SGCE: variants seen among roughly 807,000 people sequenced by gnomAD.
SGCE encodes sarcoglycan epsilon, also known as epsilon-sarcoglycan.
SGCE carries 26 observed loss-of-function variants against 57.8 expected under a neutral mutation model. That is an observed-to-expected ratio of 0.45 (90% CI 0.33 to 0.62). The LOEUF is 0.62. Among genes scored for constraint, SGCE ranks in the 20% least tolerant of loss-of-function variants. The pLI is 0.02. For synonymous variants in SGCE, 183 were observed against 189.5 expected (o/e 0.97, Z 0.28); for missense variants, 468 against 548.6 (o/e 0.85, Z 1.47).
At chr7:94,616,263 G>A (rs1192900417) in intron 5 of SGCE, among the ~76,000 whole-genome samples, 2 of 152,082 alleles carry the variant, frequency 1.3e-5, no homozygotes, top group African/African-American at 4.8e-5. Context: ...CTGTTTAACT[G>A]ACTATACATA....
chr7:94,608,160 A>G (rs986668582), intron 5 of SGCE, among the ~76,000 whole-genome samples: 1 of 152,094 alleles, frequency 6.6e-6, no homozygotes, highest in South Asian at 2.1e-4. Flanking sequence ...CCTGGCCAAC[A>G]TGACAAAACC....
intron 1 of SGCE, among the ~76,000 whole-genome samples, chr7:94,634,750 G>A (rs1200834159): frequency 1.3e-5 from 2 of 152,136 alleles, no homozygotes; most frequent in East Asian, 1.9e-4. Flanking sequence ...CTTAGTTGAC[G>A]CAGTACACTT....
intron 9 of SGCE, among the ~76,000 whole-genome samples, chr7:94,596,964 C>T (rs1191355457): frequency 6.6e-6 from 1 of 151,928 alleles, no homozygotes; most frequent in African/African-American, 2.4e-5. Flanking sequence ...TCATAATTTT[C>T]ATCTAAAAAG....
intron 1 of SGCE, among the ~76,000 whole-genome samples, chr7:94,635,670 C>CTA (rs1158893552): frequency 6.6e-6 from 1 of 152,152 alleles, no homozygotes; most frequent in African/African-American, 2.4e-5. Context: ...CATGTTGTTA[C>CTA]TACAGTCAAA....
At position 94,623,378 on chromosome 7, in the gene SGCE, C is replaced by T. The variant is rs548306335; in HGVS notation, c.410G>A (p.Arg137His). Residue 137 changes from arginine to histidine, a missense_variant, in exon 4 of 11, where the codon CGC (arginine) becomes CAC (histidine). Physicochemically the swap from Arg to His is conservative, Grantham distance 29 (BLOSUM62 0). Transcript: ENST00000648936. ...ATTATGCCTTGCAGTCTCAAAGGTG[C>T]GCCTGTTGTAGGCAGTTATCTATTA... ...TIIEITAYNR[R>H]TFETARHNLI... 251 of 1,603,464 alleles carry T rather than the reference C, an allele frequency of 1.6e-4. 2 individuals are homozygous for T. In the South Asian group the frequency reaches 2.1e-3, roughly 13 times the overall value.
intron 5 of SGCE, among the ~76,000 whole-genome samples, chr7:94,609,188 A>G (rs1800622960): frequency 6.6e-6 from 1 of 152,234 alleles, no homozygotes; most frequent in Admixed American, 6.5e-5. Flanking sequence ...TATCCAAAAT[A>G]TACAAAAAAC....
intron 5 of SGCE, among the ~76,000 whole-genome samples, chr7:94,608,314 C>T (rs1483577514): frequency 2.0e-5 from 3 of 151,978 alleles, no homozygotes; most frequent in East Asian, 1.9e-4. Context: ...CCAGCCTGGG[C>T]GACAGAGTAC....
chr7:94,614,083 A>C (rs1801479027), intron 5 of SGCE, among the ~76,000 whole-genome samples: 1 of 138,112 alleles, frequency 7.2e-6, no homozygotes, highest in Non-Finnish European at 1.5e-5. Context: ...TTGGCACTTA[A>C]TTTTCTTGTA....
chr7:94,590,987 G>A (rs1473368089), intron 9 of SGCE: 11 of 151,682 alleles, frequency 7.3e-5, no homozygotes. Flanking sequence ...ATATTACTAG[G>A]GAAATAATAA....
intron 10 of SGCE, 134 bp downstream of exon 10, chr7:94,588,553 AGT>A: frequency 6.6e-7 from 1 of 1,508,200 alleles, no homozygotes; most frequent in Non-Finnish European, 8.8e-7. Flanking sequence ...TGAGGTTTTA[AGT>A]CTGATTAAGG....
In SGCE at chr7:94,598,945, G is replaced by C; in HGVS notation, c.1083C>G (p.His361Gln). 1 of 1,613,652 alleles carries C rather than the reference G, an allele frequency of 6.2e-7. No individual in the cohort carries two copies. Among genetic ancestry groups the C allele is most frequent in the African/African-American group, 1.3e-5 (1 of 75,032 alleles). ...MQTPDIQLVH[H>Q]SAIQKSTKEL... ...CCTTGGTAGATTTCTGAATAGCACT[G>C]TGATGGACCAGTTGGATGCTAGGTC... The change falls in exon 9 of 11, where the codon CAC (histidine) becomes CAG (glutamine). Residue 361 changes from histidine to glutamine, a missense_variant. Physicochemically the swap from His to Gln is conservative, Grantham distance 24 (BLOSUM62 0). Coordinates refer to ENST00000648936, the MANE Select transcript of SGCE (RefSeq NM_003919.3).
rs756672671 is a variant in SGCE, at chr7:94,598,927, A to T, written c.1101T>A (p.Ser367=). 7 of 1,613,834 alleles carry T rather than the reference A, an allele frequency of 4.3e-6. No individual in the cohort carries two copies. Among genetic ancestry groups the T allele is most frequent in the Non-Finnish European group, 5.1e-6 (6 of 1,179,892 alleles). The change falls in exon 9 of 11, where the codon TCT becomes TCA. Residue 367 remains serine (S), a synonymous_variant. Transcript: ENST00000648936. ...QLVHHSAIQK[S]TKELRDMSKN... ...TGGACATGTCTCGAAGCTCCTTGGT[A>T]GATTTCTGAATAGCACTGTGATGGA...
chr7:94,606,851 T>G (rs957106380), intron 5 of SGCE, among the ~76,000 whole-genome samples: 1 of 152,166 alleles, frequency 6.6e-6, no homozygotes, highest in Non-Finnish European at 1.5e-5. Flanking sequence ...AGCAACAGAC[T>G]TCAAAAATTG....
intron 1 of SGCE, among the ~76,000 whole-genome samples, chr7:94,634,814 C>A (rs1291507262): frequency 6.6e-6 from 1 of 152,112 alleles, no homozygotes; most frequent in East Asian, 1.9e-4. Flanking sequence ...AAGGTGATGG[C>A]AGCAGAAACT....
intron 9 of SGCE, chr7:94,590,563 T>A (rs1276594509): frequency 2.0e-5 from 3 of 152,226 alleles, no homozygotes; most frequent in African/African-American, 4.8e-5. Context: ...AGGTTCTGTA[T>A]GGAAGAAACT....
chr7:94,608,870 T>C (rs1800570072), intron 5 of SGCE, among the ~76,000 whole-genome samples: 2 of 152,146 alleles, frequency 1.3e-5, no homozygotes, highest in Admixed American at 6.5e-5. Context: ...GACTTATACA[T>C]GTAAAAAATG....
intron 1 of SGCE, among the ~76,000 whole-genome samples, chr7:94,632,428 G>A (rs1248107648): frequency 6.6e-6 from 1 of 152,072 alleles, no homozygotes; most frequent in Non-Finnish European, 1.5e-5. Context: ...AAGATGACAA[G>A]CACATTTCTT....
chr7:94,591,853 A>G (rs769073312), intron 9 of SGCE, among the ~76,000 whole-genome samples: 35 of 152,240 alleles, frequency 2.3e-4, no homozygotes, highest in South Asian at 6.2e-4. Flanking sequence ...GAGAAGATGC[A>G]TAAGAAAGCA....
At chr7:94,623,614 C>T in intron 3 of SGCE, 1 of 505,426 alleles carries the variant, frequency 2.0e-6, no homozygotes, top group Non-Finnish European at 3.5e-6. Flanking sequence ...TATACTGAAA[C>T]AAAAAGTTAA....
Sources: gnomAD v4.1 joint callset for allele counts (sites outside exome capture counted in the v4.1 genomes callset) on GRCh38, gnomAD v4.1.1 for gene constraint, MANE v1.5 for transcripts, NCBI Gene and HGNC (gene_info 2026-07-23, HGNC 2026-07-21) for gene names.